Variants in GRIP1 observed in about 807,000 individuals in gnomAD.
GRIP1 encodes the protein glutamate receptor interacting protein 1.
Under a neutral mutation model 129.9 loss-of-function variants are expected in GRIP1, and 45 were observed. The ratio of observed to expected loss-of-function variants is 0.35; its 90% CI spans 0.27 to 0.44. The LOEUF (loss-of-function observed/expected upper bound fraction) is 0.44, where lower values mean the gene tolerates loss of function less well. GRIP1 is among the 20% of genes least tolerant of loss of function. The pLI is 1.00. For missense variants in GRIP1, 1,196 were observed against 1,396.8 expected, an observed-to-expected ratio of 0.86 and a Z score of 2.29; for synonymous variants, 530 against 520.8, an observed-to-expected ratio of 1.02 and a Z score of -0.24.
At chr12:66,374,198 A>AT (rs1040722702) in intron 22 of GRIP1, among the ~76,000 whole-genome samples, 4 of 150,998 alleles carry the variant, frequency 2.6e-5, no homozygotes, top group Admixed American at 6.6e-5. Context: ...TTTTTATTTT[A>AT]TTTTTTTTGA....
At position 66,849,774 on chromosome 12, in the gene GRIP1, G is replaced by C. The variant is rs12322938; in HGVS notation, c.58+219276C>G. ...ATGTGGGCTAGCCCAAGAGTAAAGA[G>C]ACCTGACCTGAAAGAAACAAAATAT... On this transcript the variant is annotated intron_variant, in intron 1 of 1. Transcript: ENST00000643019. 8.7e-3 allele frequency among the ~76,000 whole-genome samples: 1,329 copies of C among 152,288 alleles called. 17 individuals carry two copies. The highest frequency in any genetic ancestry group is 0.031 in the African/African-American group (1,281 of 41,556).
rs373895877 is a variant in GRIP1 at position 66,707,287 on chromosome 12, G to T, written c.-419-76951C>A. ...TTTCTCTGAGAGCTTCCCATAATTGGCCCTTAGATAGTGAGATCTAAGGAA... is the reference window on the plus strand; with the variant it reads ...TTTCTCTGAGAGCTTCCCATAATTGTCCCTTAGATAGTGAGATCTAAGGAA... On this transcript the variant is annotated intron_variant, in intron 1 of 4. Coordinates refer to the GRIP1 transcript ENST00000538373. 2.9e-4 allele frequency among the ~76,000 whole-genome samples: 44 copies of T among 151,726 alleles called. 1 individual carries two copies. The South Asian group carries it at 9.0e-3, about 31-fold the overall frequency.
chr12:67,069,011 A>C, intron 1 of GRIP1: 17 of 732,974 alleles, frequency 2.3e-5, no homozygotes, highest in South Asian at 6.2e-5. Context: ...CCCGGCCCGG[A>C]CCCCTGCCCT....
At chr12:66,884,529 G>A (rs1210329838) in intron 1 of GRIP1, among the ~76,000 whole-genome samples, 1 of 152,112 alleles carries the variant, frequency 6.6e-6, no homozygotes, top group Non-Finnish European at 1.5e-5. Context: ...TGCAGCTTAA[G>A]ATATTACTAT....
intron 1 of GRIP1, among the ~76,000 whole-genome samples, chr12:66,665,749 T>C (rs1035752598): frequency 1.8e-4 from 27 of 152,288 alleles, no homozygotes; most frequent in African/African-American, 6.5e-4. Flanking sequence ...TACAAGTCTT[T>C]TGAGTCACGT....
intron 1 of GRIP1, among the ~76,000 whole-genome samples, chr12:67,061,073 A>T (rs541028216): frequency 6.6e-6 from 1 of 152,348 alleles, no homozygotes; most frequent in Admixed American, 6.5e-5. Flanking sequence ...CATTGTATGC[A>T]TTGTAACTTT....
intron 1 of GRIP1, among the ~76,000 whole-genome samples, chr12:66,881,007 CCT>C (rs2040468943): frequency 6.8e-6 from 1 of 146,714 alleles, no homozygotes; most frequent in Non-Finnish European, 1.5e-5. Flanking sequence ...TTTTTTTTTT[CCT>C]CTCTTTCAAA....
chr12:66,405,051 C>T (rs1037444383), intron 16 of GRIP1, among the ~76,000 whole-genome samples: 31 of 152,092 alleles, frequency 2.0e-4, no homozygotes, highest in African/African-American at 7.5e-4. Context: ...AACAAACAAA[C>T]AAAACATCTA....
intron 1 of GRIP1, among the ~76,000 whole-genome samples, chr12:66,723,278 TCC>T (rs1193906694): frequency 2.3e-3 from 31 of 13,376 alleles, no homozygotes; most frequent in African/African-American, 0.012. Context: ...CTTCCTTCCT[TCC>T]TTCCTTTCTT....
intron 7 of GRIP1, among the ~76,000 whole-genome samples, chr12:66,487,224 T>A (rs2059979911): frequency 6.6e-6 from 1 of 152,068 alleles, no homozygotes; most frequent in African/African-American, 2.4e-5. Context: ...GAAGATTTTT[T>A]AAAAAGGGGC....
intron 1 of GRIP1, among the ~76,000 whole-genome samples, chr12:66,831,575 G>A (rs906312078): frequency 2.6e-5 from 4 of 152,128 alleles, no homozygotes; most frequent in African/African-American, 7.2e-5. Context: ...CTTCAAAGCC[G>A]GTATTTCATC....
intron 2 of GRIP1, among the ~76,000 whole-genome samples, chr12:66,551,571 CTTTTTT>C (rs10719369): frequency 2.6e-5 from 3 of 114,456 alleles, no homozygotes; most frequent in African/African-American, 6.6e-5. Context: ...GGCTAGAATC[CTTTTTT>C]TTTTTTTTTT....
intron 1 of GRIP1, among the ~76,000 whole-genome samples, chr12:66,733,650 T>A (rs532306058): frequency 2.0e-5 from 3 of 152,266 alleles, no homozygotes; most frequent in African/African-American, 7.2e-5. Flanking sequence ...AAAATTCTCA[T>A]CACAGATGAA....
chr12:66,364,481 A>G (rs570071460), intron 23 of GRIP1, among the ~76,000 whole-genome samples: 33 of 152,040 alleles, frequency 2.2e-4, no homozygotes, highest in Non-Finnish European at 3.7e-4. Context: ...GCCCACAAGG[A>G]AATTCCTGGC....
intron 4 of GRIP1, among the ~76,000 whole-genome samples, chr12:66,537,613 T>C (rs1004479579): frequency 1.3e-5 from 2 of 151,880 alleles, no homozygotes; most frequent in African/African-American, 4.8e-5. Context: ...ATATAAAACA[T>C]ACTAAATATG....
chr12:66,606,203 C>T (rs1162130670), intron 1 of GRIP1, among the ~76,000 whole-genome samples: 1 of 152,072 alleles, frequency 6.6e-6, no homozygotes, highest in African/African-American at 2.4e-5. Context: ...GGTGATGGGA[C>T]TTTGTGGTAA....
chr12:66,805,254 C>CT (rs2038965917), upstream of GRIP1, among the ~76,000 whole-genome samples: 1 of 152,160 alleles, frequency 6.6e-6, no homozygotes, highest in East Asian at 1.9e-4. Context: ...TGCTCACATG[C>CT]TGTTCATCCT....
At chr12:66,767,232 C>T (rs988354887) in intron 1 of GRIP1, among the ~76,000 whole-genome samples, 1 of 152,092 alleles carries the variant, frequency 6.6e-6, no homozygotes, top group African/African-American at 2.4e-5. Flanking sequence ...CACGAAGAAG[C>T]ACCTTCAAAT....
intron 1 of GRIP1, among the ~76,000 whole-genome samples, chr12:66,948,896 T>C (rs966756167): frequency 1.3e-5 from 2 of 152,210 alleles, no homozygotes; most frequent in African/African-American, 4.8e-5. Flanking sequence ...TTGTAGAGTT[T>C]TATTTTACGC....
Sources: gnomAD v4.1 joint callset for allele counts (sites outside exome capture counted in the v4.1 genomes callset) on GRCh38, gnomAD v4.1.1 for gene constraint, MANE v1.5 for transcripts, NCBI Gene and HGNC (gene_info 2026-07-23, HGNC 2026-07-21) for gene names.